ZNF410: variants seen among roughly 807,000 people sequenced by gnomAD.
ZNF410 encodes the protein zinc finger protein 410.
In ZNF410, 18 loss-of-function variants were observed where a neutral mutation model predicts 54.8. The observed-to-expected ratio is 0.33, with a 90% CI of 0.23 to 0.49. ZNF410 has a LOEUF of 0.49. Among genes scored for constraint, ZNF410 ranks in the 20% least tolerant of loss-of-function variants. The pLI is 0.99. For missense variants in ZNF410, 405 were observed against 569.6 expected, an observed-to-expected ratio of 0.71 and a Z score of 2.94; for synonymous variants, 191 against 207.3, an observed-to-expected ratio of 0.92 and a Z score of 0.68.
intron 8 of ZNF410, among the ~76,000 whole-genome samples, chr14:73,911,181 C>T (rs1490558822): frequency 6.6e-6 from 1 of 152,168 alleles, no homozygotes; most frequent in Non-Finnish European, 1.5e-5. Flanking sequence ...TTCTCTGCTA[C>T]TGCTTAACAG....
intron 8 of ZNF410, among the ~76,000 whole-genome samples, chr14:73,912,448 C>T (rs182677042): frequency 7.9e-5 from 12 of 152,134 alleles, no homozygotes; most frequent in African/African-American, 2.9e-4. Flanking sequence ...ATTACAGGCA[C>T]GTGCCACCAC....
At chr14:73,890,990 A>G (rs191443979) in intron 1 of ZNF410, among the ~76,000 whole-genome samples, 1 of 152,274 alleles carries the variant, frequency 6.6e-6, no homozygotes, top group African/African-American at 2.4e-5. Context: ...CCTGGGCAAC[A>G]AGAGCAAAAC....
chr14:73,905,968 C>CACACACATATATATATATATATAT (rs1461702433), intron 7 of ZNF410, among the ~76,000 whole-genome samples: 1 of 78,944 alleles, frequency 1.3e-5, no homozygotes, highest in African/African-American at 4.2e-5. Context: ...CACACACACA[C>CACACACATATATATATATATATAT]ATATATATAT....
In ZNF410 at chr14:73,910,752, T is replaced by A. The variant is rs1340768554; in HGVS notation, c.1003+1322T>A. On this transcript the variant is annotated intron_variant, in intron 8 of 11. Coordinates refer to ENST00000555044, the MANE Select transcript of ZNF410 (RefSeq NM_021188.3). ...TGGGCAACAAGAGCGAAACTCCGTC[T>A]CAAAAAAAAAAAAAAAAAAAAGCAT... 1.0e-4 allele frequency among the ~76,000 whole-genome samples: 5 copies of A among 47,904 alleles called. No homozygotes were observed. In the East Asian group the frequency reaches 3.1e-3, roughly 30 times the overall value. 31.4% of individuals were successfully genotyped at this position (47,904 alleles called of 152,430 possible).
chr14:73,907,471 T>G (rs544454921), intron 7 of ZNF410, among the ~76,000 whole-genome samples: 1 of 152,212 alleles, frequency 6.6e-6, no homozygotes, highest in African/African-American at 2.4e-5. Context: ...GATGGGTGCC[T>G]GTAATCCCAG....
intron 8 of ZNF410, 102 bp downstream of exon 8, chr14:73,909,532 C>A: frequency 1.1e-6 from 1 of 908,610 alleles, no homozygotes. Flanking sequence ...ACAAACTGTT[C>A]ACTATAAAGA....
intron 1 of ZNF410, among the ~76,000 whole-genome samples, chr14:73,888,971 G>A (rs1047307112): frequency 1.3e-5 from 2 of 152,098 alleles, no homozygotes; most frequent in African/African-American, 2.4e-5. Context: ...GAAAATGCTC[G>A]TGTTAATTTT....
intron 3 of ZNF410, among the ~76,000 whole-genome samples, chr14:73,894,991 C>T (rs879462482): frequency 5.9e-5 from 9 of 151,764 alleles, no homozygotes; most frequent in Non-Finnish European, 7.4e-5. Context: ...GGCGAGACCT[C>T]GTCTCTACAA....
chr14:73,905,968 C>CACATACATATAT (rs1461702433), intron 7 of ZNF410, among the ~76,000 whole-genome samples: 2 of 78,944 alleles, frequency 2.5e-5, no homozygotes, highest in East Asian at 3.0e-4. Context: ...CACACACACA[C>CACATACATATAT]ATATATATAT....
At chr14:73,898,476 TAAATA>T in intron 5 of ZNF410, 1 of 602,018 alleles carries the variant, frequency 1.7e-6, no homozygotes, top group Non-Finnish European at 2.9e-6. Flanking sequence ...TTCTCAACTT[TAAATA>T]ATGTACAGAG....
At chr14:73,920,247 T>C (rs1269260419) in intron 8 of ZNF410, 3 of 152,088 alleles carry the variant, frequency 2.0e-5, no homozygotes, top group African/African-American at 4.8e-5. Context: ...CATTTAGAAA[T>C]TGGGAGATTC....
chr14:73,902,949 T>C (rs2055430083), intron 5 of ZNF410, among the ~76,000 whole-genome samples: 1 of 152,232 alleles, frequency 6.6e-6, no homozygotes, highest in Non-Finnish European at 1.5e-5. Flanking sequence ...ATCTGAGTTT[T>C]TGAATTCCTT....
At chr14:73,909,607 TG>T (rs34227581) in intron 8 of ZNF410, 177 bp downstream of exon 8, 31,698 of 435,144 alleles carry the variant, frequency 0.073, 2,023 homozygotes, top group African/African-American at 0.23. Flanking sequence ...TAATCAAGGT[TG>T]GGGGGGGGAC....
chr14:73,892,241 G>A (rs775288721), intron 2 of ZNF410, 33 bp downstream of exon 2: 1 of 1,608,824 alleles, frequency 6.2e-7, no homozygotes, highest in Non-Finnish European at 8.5e-7. Context: ...CTTTTCTTTT[G>A]GTGGGCTATA....
At position 73,931,938 on chromosome 14, in the gene ZNF410, C is replaced by T; in HGVS notation, c.*397C>T. The T allele has an allele frequency of 2.2e-6, 1 of 457,318 alleles. No homozygotes were observed. Among genetic ancestry groups the T allele is most frequent in the Non-Finnish European group, 4.4e-6 (1 of 227,532 alleles). 28.3% of individuals were successfully genotyped at this position (457,318 alleles called of 1,614,324 possible). A position where few individuals can be genotyped will look rare whatever the true frequency, so the allele number is the denominator to read the frequency against. Reference sequence around the variant, plus strand: ...CACATGGATGAAATAATTCCTGCTACCAACAACAGAGCTTCACCAGGAAGT... The same window carrying T: ...CACATGGATGAAATAATTCCTGCTATCAACAACAGAGCTTCACCAGGAAGT... On this transcript the variant is annotated 3_prime_UTR_variant, in exon 12 of 12. Coordinates refer to ENST00000555044, the MANE Select transcript of ZNF410 (RefSeq NM_021188.3).
At chr14:73,906,761 G>A (rs2055496668) in intron 7 of ZNF410, among the ~76,000 whole-genome samples, 1 of 152,038 alleles carries the variant, frequency 6.6e-6, no homozygotes, top group Non-Finnish European at 1.5e-5. Flanking sequence ...TTATATATGT[G>A]AACCACCACG....
rs1242851835 is a variant in ZNF410, at chr14:73,890,054, C to T, written c.-149-1973C>T. Among the ~76,000 whole-genome samples the T allele has an allele frequency of 2.6e-5, 4 of 152,102 alleles. No homozygotes were observed. In the East Asian group the frequency reaches 7.7e-4, roughly 29 times the overall value. ...TTGTGTTCCGCCTGCCTCGGCCTCC[C>T]AAAATGCTGGGATTACAGGCGTGAG... On this transcript the variant is annotated intron_variant, in intron 1 of 11. Coordinates refer to ENST00000555044, the MANE Select transcript of ZNF410 (RefSeq NM_021188.3).
intron 5 of ZNF410, among the ~76,000 whole-genome samples, chr14:73,903,120 A>C (rs994344640): frequency 6.6e-6 from 1 of 152,178 alleles, no homozygotes; most frequent in African/African-American, 2.4e-5. Flanking sequence ...CTTAAAATAC[A>C]GTGGGATTTT....
intron 8 of ZNF410, among the ~76,000 whole-genome samples, chr14:73,912,491 C>G (rs1006047305): frequency 2.0e-5 from 3 of 152,114 alleles, no homozygotes; most frequent in Non-Finnish European, 4.4e-5. Flanking sequence ...TGATTTCATT[C>G]CTAAATGATA....
Sources: allele counts gnomAD v4.1 joint callset (sites outside exome capture counted in the v4.1 genomes callset), GRCh38; gene constraint gnomAD v4.1.1; transcripts MANE v1.5; gene names NCBI Gene and HGNC (gene_info 2026-07-23, HGNC 2026-07-21).